Variants in NEMP2 observed in about 807,000 individuals in gnomAD.
NEMP2 encodes the protein UPF0571 transmembrane protein.
In NEMP2, 53 loss-of-function variants were observed where a neutral mutation model predicts 54.2. The ratio of observed to expected loss-of-function variants is 0.98; its 90% CI spans 0.78 to 1.23. The LOEUF is 1.23. NEMP2 is among the 50% of genes most tolerant of loss of function. NEMP2 has a pLI of 0.00. For missense variants in NEMP2, 455 were observed against 511.3 expected (o/e 0.89, Z 1.06); for synonymous variants, 197 against 190.3 (o/e 1.04, Z -0.29).
upstream of NEMP2, among the ~76,000 whole-genome samples, chr2:190,537,267 G>A (rs538568689): frequency 6.6e-5 from 10 of 152,250 alleles, no homozygotes; most frequent in East Asian, 9.6e-4. Context: ...GGAAAGAACC[G>A]GTGAATTTGA....
At chr2:190,473,819 A>T in the NEMP2 span, among the ~76,000 whole-genome samples, 1 of 152,318 alleles carries the variant, frequency 6.6e-6, no homozygotes, top group East Asian at 1.9e-4. Context: ...TTGGAAGTAA[A>T]GCACTCCTCA....
At chr2:190,574,201 T>G in the NEMP2 span, among the ~76,000 whole-genome samples, 1 of 152,240 alleles carries the variant, frequency 6.6e-6, no homozygotes, top group Non-Finnish European at 1.5e-5. Flanking sequence ...TTTCTTAAAT[T>G]TATTGCAAGA....
At chr2:190,580,704 A>G in the NEMP2 span, among the ~76,000 whole-genome samples, 1 of 152,146 alleles carries the variant, frequency 6.6e-6, no homozygotes, top group Non-Finnish European at 1.5e-5. This position sits in a 1 kb window ranked among gnomAD's most constrained non-coding sequence, Gnocchi z 5.3. Flanking sequence ...CAGGTAGAAA[A>G]ATATTGTGAT....
the NEMP2 span, among the ~76,000 whole-genome samples, chr2:190,599,493 A>G: frequency 6.6e-6 from 1 of 152,194 alleles, no homozygotes; most frequent in African/African-American, 2.4e-5. Flanking sequence ...GTATTTTTCC[A>G]TATTTGCTAC....
At chr2:190,474,018 G>A in the NEMP2 span, among the ~76,000 whole-genome samples, 6 of 152,224 alleles carry the variant, frequency 3.9e-5, no homozygotes, top group Admixed American at 6.5e-5. Context: ...TGAAACCAAC[G>A]AGAACAAAGA....
At chr2:190,477,953 A>G in the NEMP2 span, among the ~76,000 whole-genome samples, 1 of 152,124 alleles carries the variant, frequency 6.6e-6, no homozygotes, top group Non-Finnish European at 1.5e-5. Flanking sequence ...GCATGGGGGA[A>G]GAGCTGTGTG....
the NEMP2 span, among the ~76,000 whole-genome samples, chr2:190,645,392 T>C: frequency 2.0e-5 from 3 of 152,216 alleles, no homozygotes; most frequent in Non-Finnish European, 4.4e-5. Context: ...TGAATTACTT[T>C]AGGAACATTC....
the NEMP2 span, among the ~76,000 whole-genome samples, chr2:190,576,752 G>A: frequency 6.6e-6 from 1 of 152,078 alleles, no homozygotes; most frequent in Non-Finnish European, 1.5e-5. Context: ...AAAGATATGT[G>A]AAGCCTGGAC....
the NEMP2 span, among the ~76,000 whole-genome samples, chr2:190,544,965 T>G: frequency 1.4e-5 from 2 of 147,616 alleles, no homozygotes; most frequent in Non-Finnish European, 3.0e-5. Context: ...TAGCTGGGTG[T>G]AGTGGCACAC....
At chr2:190,559,067 G>A in the NEMP2 span, among the ~76,000 whole-genome samples, 1 of 152,082 alleles carries the variant, frequency 6.6e-6, no homozygotes, top group Non-Finnish European at 1.5e-5. The surrounding 1 kb of genome is among the most constrained non-coding windows in gnomAD (Gnocchi z 4.0). Flanking sequence ...ATGGTAGAAG[G>A]GAAATAGCAA....
the NEMP2 span, among the ~76,000 whole-genome samples, chr2:190,620,161 G>A: frequency 1.3e-5 from 2 of 152,270 alleles, no homozygotes; most frequent in South Asian, 4.1e-4. This position sits in a 1 kb window ranked among gnomAD's most constrained non-coding sequence, Gnocchi z 4.9. Context: ...GAAGTTTGTC[G>A]AGACAGTTTT....
chr2:190,449,980 A>G, the NEMP2 span, among the ~76,000 whole-genome samples: 3 of 152,156 alleles, frequency 2.0e-5, no homozygotes, highest in South Asian at 2.1e-4. Flanking sequence ...TAACCTGCAC[A>G]TTGTGCACGT....
the NEMP2 span, among the ~76,000 whole-genome samples, chr2:190,541,118 G>T: frequency 6.6e-5 from 10 of 151,528 alleles, no homozygotes; most frequent in African/African-American, 2.4e-4. This position sits in a 1 kb window ranked among gnomAD's most constrained non-coding sequence, Gnocchi z 5.2. Flanking sequence ...TTCTGAATTA[G>T]TCTGGCTAAA....
At chr2:190,459,661 T>G in the NEMP2 span, among the ~76,000 whole-genome samples, 3 of 152,116 alleles carry the variant, frequency 2.0e-5, no homozygotes, top group Non-Finnish European at 4.4e-5. This position sits in a 1 kb window ranked among gnomAD's most constrained non-coding sequence, Gnocchi z 5.3. Context: ...AAAATAACAA[T>G]GGAGAGATAT....
the NEMP2 span, among the ~76,000 whole-genome samples, chr2:190,455,695 A>G: frequency 2.6e-5 from 4 of 152,062 alleles, no homozygotes; most frequent in Admixed American, 2.0e-4. Context: ...AATTGTTAGT[A>G]TGGAGGGTGG....
chr2:190,647,707 CTTCTTTTTT>C, the NEMP2 span, among the ~76,000 whole-genome samples: 1 of 95,228 alleles, frequency 1.1e-5, no homozygotes, highest in Non-Finnish European at 2.1e-5. Flanking sequence ...TTTTCTTCTT[CTTCTTTTTT>C]TTTTTTTTTT....
At chr2:190,634,875 A>G in the NEMP2 span, among the ~76,000 whole-genome samples, 203 of 152,292 alleles carry the variant, frequency 1.3e-3, 1 homozygote, top group Non-Finnish European at 2.3e-3. This position sits in a 1 kb window ranked among gnomAD's most constrained non-coding sequence, Gnocchi z 6.8. Context: ...TTGCAAGCAA[A>G]CACTTGGTTA....
At chr2:190,603,410 G>C in the NEMP2 span, among the ~76,000 whole-genome samples, 1 of 151,740 alleles carries the variant, frequency 6.6e-6, no homozygotes, top group East Asian at 1.9e-4. Flanking sequence ...CAAGGCCCGG[G>C]TCATTTGTGG....
the NEMP2 span, among the ~76,000 whole-genome samples, chr2:190,570,940 A>G: frequency 6.6e-6 from 1 of 152,204 alleles, no homozygotes; most frequent in East Asian, 1.9e-4. This position sits in a 1 kb window ranked among gnomAD's most constrained non-coding sequence, Gnocchi z 5.4. Flanking sequence ...ATTAAGGAAG[A>G]CCAGTTAGCA....
Sources: gnomAD v4.1 joint callset for allele counts (sites outside exome capture counted in the v4.1 genomes callset) on GRCh38, gnomAD v4.1.1 for gene constraint, Gnocchi (gnomAD v3.1) non-coding constraint, MANE v1.5 for transcripts, NCBI Gene and HGNC (gene_info 2026-07-23, HGNC 2026-07-21) for gene names.